The following MCMBP variants were observed in gnomAD, a reference collection of about 807,000 sequenced individuals.
MCMBP encodes minichromosome maintenance complex binding protein.
In MCMBP, 31 loss-of-function variants were observed where a neutral mutation model predicts 81.3. The ratio of observed to expected loss-of-function variants is 0.38; its 90% confidence interval spans 0.29 to 0.51. The LOEUF is 0.51. Ranked by LOEUF, MCMBP falls within the 20% of genes least tolerant of loss-of-function variation. The pLI is 0.87. For synonymous variants in MCMBP, 267 were observed against 275.9 expected, an observed-to-expected ratio of 0.97 and a Z score of 0.32; for missense variants, 645 against 772.1, an observed-to-expected ratio of 0.84 and a Z score of 1.95.
intron 8 of MCMBP, among the ~76,000 whole-genome samples, chr10:119,845,866 A>G (rs2456713): frequency 0.7 from 106,585 of 152,054 alleles, 37,529 homozygotes; most frequent in East Asian, 0.81. Flanking sequence ...TGTTAGAAAA[A>G]GAAGTCATAA....
intron 7 of MCMBP, 120 bp downstream of exon 7, chr10:119,849,305 A>G: frequency 2.9e-6 from 3 of 1,024,136 alleles, no homozygotes; most frequent in East Asian, 2.8e-5. Flanking sequence ...AGGCTATTAA[A>G]TTTGCAGTGA....
At chr10:119,863,523 G>A (rs1400874586) in intron 1 of MCMBP, among the ~76,000 whole-genome samples, 1 of 151,962 alleles carries the variant, frequency 6.6e-6, no homozygotes, top group Admixed American at 6.6e-5. Context: ...CCTGTCAGGA[G>A]TTCAAGACCA....
chr10:119,848,409 C>T (rs1246308359), intron 7 of MCMBP, among the ~76,000 whole-genome samples: 2 of 151,994 alleles, frequency 1.3e-5, no homozygotes, highest in South Asian at 2.1e-4. Context: ...GTCAGGAGTT[C>T]GAGACCAGCC....
At chr10:119,844,505 G>A (rs2134358539) in intron 8 of MCMBP, among the ~76,000 whole-genome samples, 1 of 152,276 alleles carries the variant, frequency 6.6e-6, no homozygotes, top group East Asian at 1.9e-4. Flanking sequence ...AGCCCAAGGT[G>A]ACATAGCTAG....
Position 119,850,874 on chromosome 10 carries a change from G to GTTTTTTTTTTTTTTTTTTTTTTTTTT in MCMBP, c.575-1299_575-1298insAAAAAAAAAAAAAAAAAAAAAAAAAA, listed in dbSNP as rs1284100421. ...AGAGGCTAAAAGGTATACAAGATCT[G>GTTTTTTTTTTTTTTTTTTTTTTTTTT]TTTTTTTTTTTTTTTTTTGAGACAG... On this transcript the variant is annotated intron_variant, in intron 6 of 15. Transcript: ENST00000369077. Among the ~76,000 whole-genome samples the GTTTTTTTTTTTTTTTTTTTTTTTTTT allele has an allele frequency of 2.4e-4, 31 of 130,540 alleles. 1 individual carries two copies. The highest frequency in any genetic ancestry group is 7.2e-4 in the South Asian group (3 of 4,170). The allele number at this position is 130,540 out of a possible 152,430, so 85.6% of individuals were successfully genotyped here.
chr10:119,859,293 CACA>C, intron 2 of MCMBP, 112 bp from the exon 3 acceptor site: 1 of 847,362 alleles, frequency 1.2e-6, no homozygotes, highest in East Asian at 2.6e-5. Flanking sequence ...CACACACACA[CACA>C]CACACACACC....
At chr10:119,850,242 G>C (rs1049046750) in intron 6 of MCMBP, among the ~76,000 whole-genome samples, 3 of 152,142 alleles carry the variant, frequency 2.0e-5, no homozygotes, top group Admixed American at 6.5e-5. Context: ...AATCCCCAAA[G>C]TTTATGTAAT....
intron 5 of MCMBP, among the ~76,000 whole-genome samples, chr10:119,853,588 G>GCA (rs1852909902): frequency 6.6e-6 from 1 of 152,200 alleles, no homozygotes; most frequent in Admixed American, 6.5e-5. Context: ...AGAAGACAGA[G>GCA]CACATGGTTC....
chr10:119,873,128 C>T (rs1853776515), upstream of MCMBP, among the ~76,000 whole-genome samples: 1 of 152,130 alleles, frequency 6.6e-6, no homozygotes, highest in Non-Finnish European at 1.5e-5. Context: ...GAGGGCAAAG[C>T]GAGTCTGCAC....
rs1297139648 is a variant in MCMBP at position 119,847,030 on chromosome 10, TTCTC to T, written c.827+579_827+582del. 2.6e-5 allele frequency among the ~76,000 whole-genome samples: 4 copies of T among 152,310 alleles called. No homozygotes were observed. In the South Asian group the frequency reaches 8.3e-4, roughly 32 times the overall value. On this transcript the variant is annotated intron_variant, in intron 8 of 15. Transcript: ENST00000369077. Reference sequence around the variant, plus strand: ...ATGAGTTAACAATTCTGAAATTCCCTTCTCTATGTTGTAAAAATGTGCAAATGAT... The same window carrying T: ...ATGAGTTAACAATTCTGAAATTCCCTTATGTTGTAAAAATGTGCAAATGAT...
At chr10:119,844,536 C>G (rs528012677) in intron 8 of MCMBP, among the ~76,000 whole-genome samples, 14 of 152,302 alleles carry the variant, frequency 9.2e-5, no homozygotes, top group Admixed American at 2.6e-4. Flanking sequence ...AGTCAGGACT[C>G]CAACCCAGGC....
At chr10:119,859,728 CTTAG>C (rs1306142575) in intron 2 of MCMBP, 67 bp downstream of exon 2, 37 of 920,416 alleles carry the variant, frequency 4.0e-5, no homozygotes, top group Admixed American at 3.3e-4. Flanking sequence ...ATGTGGGTTA[CTTAG>C]TTACTCTACT....
intron 3 of MCMBP, 31 bp from the exon 4 acceptor site, chr10:119,858,956 A>G (rs758538493): frequency 6.2e-7 from 1 of 1,608,078 alleles, no homozygotes; most frequent in South Asian, 1.1e-5. Flanking sequence ...AAACAGAATT[A>G]TATCAATATA....
At chr10:119,871,152 T>G (rs951430749) in intron 1 of MCMBP, among the ~76,000 whole-genome samples, 4 of 152,196 alleles carry the variant, frequency 2.6e-5, no homozygotes, top group Admixed American at 1.3e-4. Context: ...TGGAGGGATT[T>G]TTCCTAAAAA....
intron 6 of MCMBP, 78 bp downstream of exon 6, chr10:119,852,972 A>G: frequency 6.5e-7 from 1 of 1,540,576 alleles, no homozygotes; most frequent in Non-Finnish European, 8.9e-7. Context: ...ATAGAGCTAT[A>G]TTATGTAACA....
chr10:119,856,259 G>T (rs993225452), intron 5 of MCMBP, among the ~76,000 whole-genome samples: 2 of 152,072 alleles, frequency 1.3e-5, no homozygotes, highest in East Asian at 3.9e-4. Context: ...CAAACAAAAA[G>T]AACTGAATTG....
chr10:119,859,150 T>C lies in MCMBP; in HGVS notation c.176A>G (p.Tyr59Cys). The C allele has an allele frequency of 6.2e-7, 1 of 1,613,810 alleles. No individual in the cohort carries two copies. Among genetic ancestry groups the C allele is most frequent in the Non-Finnish European group, 8.5e-7 (1 of 1,179,882 alleles). Reference protein sequence around the residue: ...VPSLNEVPLHYLKPNSFVKFR... With the variant: ...VPSLNEVPLHCLKPNSFVKFR... ...TTTCACAAAACTATTAGGTTTCAAATAATGAAGGGGAACTTCGTTCAGTGA... is the reference window on the plus strand; with the variant it reads ...TTTCACAAAACTATTAGGTTTCAAACAATGAAGGGGAACTTCGTTCAGTGA... The change falls in exon 3 of 16, where the codon TAT becomes TGT. Residue 59 changes from tyrosine (Y) to cysteine (C), a missense_variant. Tyr to Cys is a radical substitution (Grantham distance 194). Transcript: ENST00000369077.
intron 11 of MCMBP, 61 bp from the exon 12 acceptor site, chr10:119,838,761 T>A: frequency 7.1e-7 from 1 of 1,411,068 alleles, no homozygotes; most frequent in Non-Finnish European, 9.8e-7. Flanking sequence ...AGAAAATATG[T>A]ACTTGGAATT....
intron 5 of MCMBP, among the ~76,000 whole-genome samples, chr10:119,854,699 G>A (rs1210248201): frequency 3.3e-5 from 5 of 151,928 alleles, no homozygotes; most frequent in African/African-American, 9.7e-5. Flanking sequence ...GCTTATGCCT[G>A]TAATCCCAGC....
Sources: gnomAD v4.1 joint callset for allele counts (sites outside exome capture counted in the v4.1 genomes callset) on GRCh38, gnomAD v4.1.1 for gene constraint, MANE v1.5 for transcripts, NCBI Gene and HGNC (gene_info 2026-07-23, HGNC 2026-07-21) for gene names.